CDKL4: variants seen among roughly 807,000 people sequenced by gnomAD.
CDKL4 encodes cyclin dependent kinase like 4.
Under a neutral mutation model 42.0 loss-of-function variants are expected in CDKL4, and 44 were observed. That is an observed-to-expected ratio of 1.05 (90% CI 0.82 to 1.35). CDKL4 has a LOEUF of 1.35. Ranked by LOEUF, CDKL4 falls within the 40% of genes most tolerant of loss-of-function variation. The pLI is 0.00. For missense variants in CDKL4, 393 were observed against 369.9 expected (o/e 1.06, Z -0.51); for synonymous variants, 120 against 121.6 (o/e 0.99, Z 0.09).
chr2:39,239,232 C>T (rs1290253017), intron 1 of CDKL4, among the ~76,000 whole-genome samples: 2 of 150,210 alleles, frequency 1.3e-5, no homozygotes, highest in African/African-American at 4.9e-5. Context: ...AAAATGTAAG[C>T]ATTAAAACTG....
intron 1 of CDKL4, among the ~76,000 whole-genome samples, chr2:39,235,415 A>G (rs1679316878): frequency 6.6e-6 from 1 of 152,208 alleles, no homozygotes; most frequent in African/African-American, 2.4e-5. Flanking sequence ...AATTATGTTA[A>G]AAGAATGAAG....
exon 10 of CDKL4, chr2:39,176,075 G>T (rs1188644830): frequency 4.3e-6 from 2 of 470,018 alleles, no homozygotes; most frequent in African/African-American, 4.0e-5. Context: ...TGGCTTCCTG[G>T]TATGAGAGGC....
intron 3 of CDKL4, among the ~76,000 whole-genome samples, chr2:39,214,192 G>C (rs538790448): frequency 6.6e-6 from 1 of 152,128 alleles, no homozygotes; most frequent in African/African-American, 2.4e-5. Flanking sequence ...TAAAGTGCTT[G>C]GATTACAGGT....
At chr2:39,188,606 T>C (rs1572953359) in intron 6 of CDKL4, among the ~76,000 whole-genome samples, 1 of 130,902 alleles carries the variant, frequency 7.6e-6, no homozygotes, top group Non-Finnish European at 1.6e-5. Flanking sequence ...GGTGAGAGAA[T>C]GGTACTATGG....
chr2:39,204,622 A>C lies in CDKL4; in HGVS notation c.364-5T>G, dbSNP rs373716720. The C allele has an allele frequency of 7.3e-7, 1 of 1,376,384 alleles. No individual in the cohort carries two copies. Among genetic ancestry groups the C allele is most frequent in the African/African-American group, 1.4e-5 (1 of 69,708 alleles). 85.3% of individuals were successfully genotyped at this position (1,376,384 alleles called of 1,614,324 possible). On this transcript the variant is annotated splice_region_variant and splice_polypyrimidine_tract_variant and intron_variant, in intron 4 of 9. Coordinates refer to ENST00000451199, the Ensembl canonical transcript of CDKL4. ...TTTTATATCTCTGTGAATACACTGT[A>C]AGATCATTATTTGATTATTTTTCTG...
chr2:39,245,415 A>G (rs985444804), upstream of CDKL4, among the ~76,000 whole-genome samples: 1 of 152,118 alleles, frequency 6.6e-6, no homozygotes, highest in Non-Finnish European at 1.5e-5. Flanking sequence ...ATCAGAAGGA[A>G]CAAACTCCAG....
chr2:39,210,318 C>T (rs1403216437), intron 4 of CDKL4, among the ~76,000 whole-genome samples: 6 of 152,040 alleles, frequency 3.9e-5, no homozygotes, highest in African/African-American at 1.4e-4. Flanking sequence ...TTAATAGAGG[C>T]CACATATTAT....
intron 5 of CDKL4, among the ~76,000 whole-genome samples, chr2:39,195,129 G>A (rs989024467): frequency 2.0e-5 from 3 of 152,130 alleles, no homozygotes; most frequent in African/African-American, 4.8e-5. Flanking sequence ...CCATGTCATA[G>A]CATATATCAG....
intron 3 of CDKL4, among the ~76,000 whole-genome samples, chr2:39,214,822 T>G (rs1347923893): frequency 6.6e-6 from 1 of 152,154 alleles, no homozygotes; most frequent in Non-Finnish European, 1.5e-5. Context: ...AATGAGAGGG[T>G]GTAAGCTTCT....
chr2:39,225,830 A>C lies in CDKL4; in HGVS notation c.290+9T>G. Reference sequence around the variant, plus strand: ...GGCTGTACAGAATTTCAGTTTCCAGATTACTTACCCATTTGGGTTTCTTTC... The same window carrying C: ...GGCTGTACAGAATTTCAGTTTCCAGCTTACTTACCCATTTGGGTTTCTTTC... On this transcript the variant is annotated intron_variant, in intron 3 of 9. Coordinates refer to ENST00000451199, the Ensembl canonical transcript of CDKL4. The C allele has an allele frequency of 6.3e-7, 1 of 1,593,002 alleles. No individual in the cohort carries two copies. Among genetic ancestry groups the C allele is most frequent in the South Asian group, 1.1e-5 (1 of 87,218 alleles).
At chr2:39,236,808 A>G (rs2148406096) in intron 1 of CDKL4, among the ~76,000 whole-genome samples, 1 of 152,324 alleles carries the variant, frequency 6.6e-6, no homozygotes, top group South Asian at 2.1e-4. Flanking sequence ...ACAAGTGCCT[A>G]GAAAGATACA....
Position 39,187,614 on chromosome 2 carries a change from C to G in CDKL4, c.735+13G>C. The G allele has an allele frequency of 1.3e-6, 2 of 1,571,510 alleles. No individual in the cohort carries two copies. The highest frequency in any genetic ancestry group is 1.7e-6 in the Non-Finnish European group (2 of 1,147,426). On this transcript the variant is annotated intron_variant, in intron 7 of 9. Transcript: ENST00000451199. ...AACACAAGTAATAAAATATTCAAAA[C>G]AGAGCAGCTTACCATGTCTTCTGGC... is the stretch of plus-strand genomic sequence containing the variant.
chr2:39,212,243 T>C (rs1677629712), intron 4 of CDKL4, among the ~76,000 whole-genome samples: 1 of 151,852 alleles, frequency 6.6e-6, no homozygotes, highest in Non-Finnish European at 1.5e-5. Context: ...AATTTTTTTT[T>C]TTTTTTTTGA....
intron 4 of CDKL4, among the ~76,000 whole-genome samples, chr2:39,210,257 C>A (rs1478119262): frequency 1.3e-5 from 2 of 152,190 alleles, no homozygotes; most frequent in Admixed American, 1.3e-4. Flanking sequence ...TCCCAAAGTC[C>A]TGGGATTACA....
At chr2:39,204,543 C>T in exon 5 of CDKL4, 3 of 1,608,426 alleles carry the variant, frequency 1.9e-6, no homozygotes, top group Non-Finnish European at 2.6e-6. Flanking sequence ...TTTGTGCAAA[C>T]CCGAAGTCAC....
chr2:39,218,708 A>G (rs1223491354), intron 3 of CDKL4, among the ~76,000 whole-genome samples: 1 of 152,160 alleles, frequency 6.6e-6, no homozygotes, highest in Admixed American at 6.5e-5. Flanking sequence ...TGGGACGTCC[A>G]TCTTCTCCTG....
chr2:39,211,560 T>C (rs576036835), intron 4 of CDKL4, among the ~76,000 whole-genome samples: 20 of 152,218 alleles, frequency 1.3e-4, no homozygotes. Flanking sequence ...CCAAAACTTG[T>C]CATTGTTGCT....
intron 5 of CDKL4, among the ~76,000 whole-genome samples, chr2:39,193,243 GGGCAGAAT>G (rs1676299413): frequency 6.7e-6 from 1 of 149,750 alleles, no homozygotes; most frequent in East Asian, 1.9e-4. Context: ...AGACCAGCCT[GGGCAGAAT>G]GGCGAAATCT....
At chr2:39,217,435 T>A (rs910290906) in intron 3 of CDKL4, among the ~76,000 whole-genome samples, 3 of 152,152 alleles carry the variant, frequency 2.0e-5, no homozygotes, top group African/African-American at 7.2e-5. Flanking sequence ...GATGCTGAAA[T>A]CAGAAGTCAT....
Sources: gnomAD v4.1 joint callset for allele counts (sites outside exome capture counted in the v4.1 genomes callset) on GRCh38, gnomAD v4.1.1 for gene constraint, MANE v1.5 for transcripts, NCBI Gene and HGNC (gene_info 2026-07-23, HGNC 2026-07-21) for gene names.